DPY19L1: variants seen among roughly 807,000 people sequenced by gnomAD.
The protein encoded by DPY19L1 is dpy-19 like C-mannosyltransferase 1.
DPY19L1 carries 35 observed loss-of-function variants against 96.9 expected under a neutral mutation model. That is an observed-to-expected ratio of 0.36 (90% CI 0.28 to 0.48). DPY19L1 has a LOEUF of 0.48. Ranked by LOEUF, DPY19L1 falls within the 20% of genes least tolerant of loss-of-function variation. DPY19L1 has a pLI of 0.99. For synonymous variants in DPY19L1, 205 were observed against 252.6 expected (o/e 0.81, Z 1.79); for missense variants, 521 against 777.9 (o/e 0.67, Z 3.93).
intron 3 of DPY19L1, 116 bp downstream of exon 3, chr7:35,017,763 TAGA>T: frequency 1.6e-6 from 1 of 622,790 alleles, no homozygotes; most frequent in Admixed American, 3.5e-5. Context: ...CTGTCAGCTG[TAGA>T]AGGTGGAGCA....
intron 6 of DPY19L1, among the ~76,000 whole-genome samples, 178 bp downstream of exon 6, chr7:35,010,290 T>C (rs1245171139): frequency 6.6e-6 from 1 of 152,092 alleles, no homozygotes; most frequent in Admixed American, 6.5e-5. Context: ...TCTAAAACTA[T>C]CTTAAGTGTG....
rs749568628 is a variant in DPY19L1, at chr7:34,941,811, A to C, written c.1643T>G (p.Leu548Trp). The C allele has an allele frequency of 6.3e-7, 1 of 1,594,042 alleles. No individual in the cohort carries two copies. The highest frequency in any genetic ancestry group is 1.1e-5 in the South Asian group (1 of 87,192). The change falls in exon 18 of 22, where the codon TTG becomes TGG. Residue 548 changes from leucine to tryptophan, a missense_variant. Leu to Trp is a moderately conservative substitution (Grantham distance 61, BLOSUM62 -2). Coordinates refer to ENST00000638088, the MANE Select transcript of DPY19L1 (RefSeq NM_001366673.1). The part of the protein sequence containing the change: ...GILIMRLKLF[L>W]TPHMCVMASL... ...TGCCATAACACACATGTGTGGTGTC[A>C]AGAAGAGTTTTAGTCTCATAATTAA...
Position 34,954,678 on chromosome 7 carries a change from T to G in DPY19L1, c.1320+20A>C. 3 of 1,444,768 alleles carry G rather than the reference T, an allele frequency of 2.1e-6. No homozygotes were observed. The highest frequency in any genetic ancestry group is 2.9e-6 in the Non-Finnish European group (3 of 1,043,578). 89.5% of individuals were successfully genotyped at this position (1,444,768 alleles called of 1,614,324 possible). ...CGATTCTTTTCAAGTCTTTCAAATT[T>G]AAGTAAAAAATGCACTTACGTCATC... is the stretch of plus-strand genomic sequence containing the variant. On this transcript the variant is annotated intron_variant, in intron 13 of 21. Transcript: ENST00000638088.
chr7:35,002,724 T>A (rs1337059651), intron 6 of DPY19L1, among the ~76,000 whole-genome samples: 21 of 152,232 alleles, frequency 1.4e-4, no homozygotes, highest in Admixed American at 1.4e-3. Context: ...GAAATTTGAA[T>A]AACTTAGGAA....
At chr7:34,968,553 G>A (rs12539147) in intron 9 of DPY19L1, among the ~76,000 whole-genome samples, 29,889 of 151,812 alleles carry the variant, frequency 0.2, 3,328 homozygotes, top group Admixed American at 0.36. Context: ...GGTGGATCAC[G>A]AAGTCAGGAG....
rs1783733992 is a variant in DPY19L1, at chr7:34,930,673, T to TTG, written c.*898_*899dup. 1 of 152,262 alleles carries TTG rather than the reference T, an allele frequency of 6.6e-6. No homozygotes were observed. Among genetic ancestry groups the TTG allele is most frequent in the Admixed American group, 6.5e-5 (1 of 15,302 alleles). The allele number at this position is 152,262 out of a possible 1,614,324, so 9.4% of individuals were successfully genotyped here. The stretch of plus-strand genomic sequence containing the variant: ...GTTTCTAGATGCACTATATTTGGGG[T>TTG]TGTTCAAAATAGTTTTTCTTAAAAC... On this transcript the variant is annotated 3_prime_UTR_variant, in exon 22 of 22. Coordinates refer to ENST00000638088, the MANE Select transcript of DPY19L1 (RefSeq NM_001366673.1).
intron 1 of DPY19L1, among the ~76,000 whole-genome samples, chr7:35,034,935 G>A (rs1786352077): frequency 6.6e-6 from 1 of 152,148 alleles, no homozygotes; most frequent in South Asian, 2.1e-4. Flanking sequence ...TTCTGGGAGG[G>A]GGGAAGAAAA....
chr7:35,008,792 C>A (rs1267863053), intron 6 of DPY19L1, among the ~76,000 whole-genome samples: 1 of 152,144 alleles, frequency 6.6e-6, no homozygotes, highest in East Asian at 1.9e-4. Flanking sequence ...TATGTAAAAT[C>A]TAATCTCCCA....
intron 21 of DPY19L1, among the ~76,000 whole-genome samples, chr7:34,932,304 A>G (rs554346369): frequency 6.6e-6 from 1 of 152,182 alleles, no homozygotes; most frequent in East Asian, 1.9e-4. Context: ...TAATACACCT[A>G]ATCTACCCAA....
At chr7:34,974,048 T>C (rs1042962252) in intron 7 of DPY19L1, among the ~76,000 whole-genome samples, 4 of 152,214 alleles carry the variant, frequency 2.6e-5, no homozygotes, top group Non-Finnish European at 5.9e-5. Flanking sequence ...TTCACTGTGC[T>C]GCTACAAAGG....
At chr7:34,946,050 C>T (rs1784138375) in intron 15 of DPY19L1, among the ~76,000 whole-genome samples, 1 of 152,224 alleles carries the variant, frequency 6.6e-6, no homozygotes, top group Non-Finnish European at 1.5e-5. Flanking sequence ...ACATTCAGCG[C>T]TGCTTCCACC....
At chr7:35,030,902 T>C (rs1193665875) in intron 1 of DPY19L1, among the ~76,000 whole-genome samples, 2 of 152,160 alleles carry the variant, frequency 1.3e-5, no homozygotes, top group African/African-American at 4.8e-5. Flanking sequence ...GACCCAGATA[T>C]AGACGTAATT....
At chr7:35,036,861 G>A (rs1370092369) in intron 1 of DPY19L1, among the ~76,000 whole-genome samples, 1 of 151,866 alleles carries the variant, frequency 6.6e-6, no homozygotes, top group Non-Finnish European at 1.5e-5. Context: ...TAAAGCCCAG[G>A]CAGAGCGCGG....
chr7:34,934,889 T>C (rs1783833684), intron 21 of DPY19L1, among the ~76,000 whole-genome samples: 1 of 152,186 alleles, frequency 6.6e-6, no homozygotes, highest in Non-Finnish European at 1.5e-5. Context: ...GGCCGGGGGC[T>C]TGGAGACCCC....
intron 6 of DPY19L1, among the ~76,000 whole-genome samples, chr7:35,009,965 C>T (rs971118220): frequency 6.6e-6 from 1 of 152,140 alleles, no homozygotes; most frequent in Non-Finnish European, 1.5e-5. Context: ...CACTGTGGCT[C>T]ATGCCTGTAA....
At chr7:34,936,599 T>A (rs561277197) in intron 21 of DPY19L1, among the ~76,000 whole-genome samples, 1 of 152,350 alleles carries the variant, frequency 6.6e-6, no homozygotes, top group East Asian at 1.9e-4. Flanking sequence ...CATGAGATGC[T>A]TAGAACTTTT....
intron 1 of DPY19L1, among the ~76,000 whole-genome samples, chr7:35,019,415 T>G (rs2128680447): frequency 6.6e-6 from 1 of 152,130 alleles, no homozygotes; most frequent in Non-Finnish European, 1.5e-5. Flanking sequence ...TAACAGCCAC[T>G]GCTCTCTAGC....
intron 6 of DPY19L1, among the ~76,000 whole-genome samples, chr7:34,994,634 C>G (rs1167720776): frequency 6.6e-6 from 1 of 151,912 alleles, no homozygotes; most frequent in Non-Finnish European, 1.5e-5. Context: ...TGAAAACCGT[C>G]TCTACTAAAA....
At chr7:34,964,779 C>T (rs1462203028) in intron 10 of DPY19L1, among the ~76,000 whole-genome samples, 1 of 152,034 alleles carries the variant, frequency 6.6e-6, no homozygotes, top group Admixed American at 6.6e-5. Context: ...ATTGGAGCAT[C>T]AACATAAATA....
Sources: allele counts gnomAD v4.1 joint callset (sites outside exome capture counted in the v4.1 genomes callset), GRCh38; gene constraint gnomAD v4.1.1; transcripts MANE v1.5; gene names NCBI Gene and HGNC (gene_info 2026-07-23, HGNC 2026-07-21).